Variants in PDIA5 observed in about 807,000 individuals in gnomAD.
PDIA5 encodes protein disulfide-isomerase A5.
PDIA5 carries 58 observed loss-of-function variants against 77.6 expected under a neutral mutation model. The ratio of observed to expected loss-of-function variants is 0.75; its 90% CI spans 0.61 to 0.93. The LOEUF (loss-of-function observed/expected upper bound fraction) is 0.93. PDIA5 is among the 40% of genes least tolerant of loss of function. PDIA5 has a pLI of 0.00. For synonymous variants in PDIA5, 250 were observed against 252.1 expected (o/e 0.99, Z 0.08); for missense variants, 630 against 647.7 (o/e 0.97, Z 0.30).
intron 8 of PDIA5, 37 bp from the exon 9 acceptor site, chr3:123,124,029 C>A: frequency 7.3e-7 from 1 of 1,372,472 alleles, no homozygotes; most frequent in Non-Finnish European, 1.0e-6. Context: ...GTCTGTGGGG[C>A]ACAGGCTCCA....
chr3:123,135,179 A>G (rs1935469778), intron 11 of PDIA5, among the ~76,000 whole-genome samples: 1 of 152,040 alleles, frequency 6.6e-6, no homozygotes, highest in African/African-American at 2.4e-5. Flanking sequence ...TCCTCTTGTC[A>G]CTGTTTTTTG....
At chr3:123,101,906 CTTTTTT>C (rs71623603) in intron 3 of PDIA5, among the ~76,000 whole-genome samples, 7 of 71,378 alleles carry the variant, frequency 9.8e-5, no homozygotes, top group East Asian at 4.8e-4. Flanking sequence ...TTCTTTCTTG[CTTTTTT>C]TTTTTTTTTT....
intron 11 of PDIA5, among the ~76,000 whole-genome samples, chr3:123,139,926 T>C (rs1935585692): frequency 6.6e-6 from 1 of 152,128 alleles, no homozygotes; most frequent in Admixed American, 6.6e-5. Context: ...GTTGAGGGGA[T>C]GGGCAGGGAA....
chr3:123,091,384 T>C (rs1042544666), intron 2 of PDIA5, among the ~76,000 whole-genome samples: 3 of 152,076 alleles, frequency 2.0e-5, no homozygotes, highest in African/African-American at 7.2e-5. Flanking sequence ...AGCAGATCGC[T>C]CTCCCCACAA....
intron 1 of PDIA5, among the ~76,000 whole-genome samples, chr3:123,068,132 T>C (rs1282028831): frequency 1.3e-5 from 2 of 152,114 alleles, no homozygotes; most frequent in Non-Finnish European, 2.9e-5. Flanking sequence ...TTTCCATAAC[T>C]TATGCGCTCC....
At chr3:123,111,745 C>T (rs1003565762) in intron 7 of PDIA5, among the ~76,000 whole-genome samples, 2 of 152,204 alleles carry the variant, frequency 1.3e-5, no homozygotes, top group Non-Finnish European at 2.9e-5. Context: ...TTTTATATTG[C>T]AACCAGTACT....
chr3:123,075,997 A>G (rs1933847839), intron 1 of PDIA5, among the ~76,000 whole-genome samples: 1 of 152,162 alleles, frequency 6.6e-6, no homozygotes, highest in Admixed American at 6.5e-5. Flanking sequence ...TGGCCTGAGC[A>G]TGTGCTTTTC....
intron 10 of PDIA5, among the ~76,000 whole-genome samples, chr3:123,128,413 C>T (rs1407361614): frequency 6.6e-6 from 1 of 151,854 alleles, no homozygotes; most frequent in Non-Finnish European, 1.5e-5. Context: ...CAAAATATAG[C>T]CTTCTCCATC....
At chr3:123,073,083 CGT>C (rs1933767281) in intron 1 of PDIA5, among the ~76,000 whole-genome samples, 1 of 152,190 alleles carries the variant, frequency 6.6e-6, no homozygotes, top group Non-Finnish European at 1.5e-5. Flanking sequence ...TCTGGCTCCC[CGT>C]GTGATCTGTT....
intron 5 of PDIA5, among the ~76,000 whole-genome samples, chr3:123,105,911 G>A (rs1386883979): frequency 2.0e-5 from 3 of 152,144 alleles, no homozygotes; most frequent in Admixed American, 6.5e-5. Flanking sequence ...TGCTGCTTCT[G>A]CCCTGGACCA....
intron 11 of PDIA5, among the ~76,000 whole-genome samples, chr3:123,133,560 G>A (rs1247542033): frequency 6.6e-6 from 1 of 152,232 alleles, no homozygotes; most frequent in Admixed American, 6.5e-5. Flanking sequence ...CTGTGATGGG[G>A]AGAATCAGAC....
chr3:123,145,482 C>T (rs1935744805), intron 11 of PDIA5, 40 bp from the exon 12 acceptor site: 2 of 1,554,724 alleles, frequency 1.3e-6, no homozygotes, highest in African/African-American at 2.7e-5. Flanking sequence ...CCGAGGGCCT[C>T]TGTGCCATAA....
rs777150393 is a variant in PDIA5, at chr3:123,067,159, G to T, written c.-6G>T. ...AAAGGAGCCAGCGGTGGGCAGCGCT[G>T]CTGGGATGGCGCGGGCCGGGCCGGC... is the stretch of plus-strand genomic sequence containing the variant. On this transcript the variant is annotated 5_prime_UTR_variant, in exon 1 of 17. Transcript: ENST00000316218. 13 of 1,246,526 alleles carry T rather than the reference G, an allele frequency of 1.0e-5. No individual in the cohort carries two copies. In the Admixed American group the frequency reaches 5.5e-4, roughly 53 times the overall value. The allele number at this position is 1,246,526 out of a possible 1,614,324, so 77.2% of individuals were successfully genotyped here.
At chr3:123,089,082 C>G (rs913512842) in intron 1 of PDIA5, 86 bp from the exon 2 acceptor site, 1 of 1,350,792 alleles carries the variant, frequency 7.4e-7, no homozygotes, top group Non-Finnish European at 1.0e-6. Context: ...AGTAAAGCAG[C>G]TCTAGGCAGC....
At position 123,145,543 on chromosome 3, in the gene PDIA5, T is replaced by C. The variant is rs562528578; in HGVS notation, c.932T>C (p.Met311Thr). 1.5e-5 allele frequency: 24 copies of C among 1,614,046 alleles called. No individual in the cohort carries two copies. In the East Asian group the frequency reaches 5.1e-4, roughly 34 times the overall value. The change falls in exon 12 of 17, where the codon ATG becomes ACG. Residue 311 changes from methionine to threonine, a missense_variant. Physicochemically the swap from Met to Thr is moderately conservative, Grantham distance 81. Transcript: ENST00000316218. ...HAPWCGHCKK[M>T]KPEFEKAAEA... ...ACAGGGTGTGGCCACTGTAAGAAAA[T>C]GAAGCCGGAGTTTGAGAAGGCAGCA... is the stretch of plus-strand genomic sequence containing the variant.
At chr3:123,148,334 G>C (rs958805587) in intron 13 of PDIA5, among the ~76,000 whole-genome samples, 1 of 152,150 alleles carries the variant, frequency 6.6e-6, no homozygotes, top group Admixed American at 6.5e-5. Context: ...TTGGGAAGTA[G>C]AGGCAGGAGG....
At chr3:123,145,256 G>A (rs568040977) in intron 11 of PDIA5, 183 of 421,204 alleles carry the variant, frequency 4.3e-4, no homozygotes, top group African/African-American at 3.4e-3. Flanking sequence ...TAGTTATGAG[G>A]CTGTAAGGCA....
intron 4 of PDIA5, 79 bp downstream of exon 4, chr3:123,102,573 T>G (rs1190861647): frequency 2.6e-6 from 3 of 1,168,296 alleles, no homozygotes; most frequent in Non-Finnish European, 2.5e-6. Context: ...CAGCAATTTT[T>G]AGTTAGATTA....
intron 11 of PDIA5, among the ~76,000 whole-genome samples, chr3:123,142,623 A>G (rs931810027): frequency 6.6e-6 from 1 of 152,198 alleles, no homozygotes; most frequent in African/African-American, 2.4e-5. Flanking sequence ...GATCTCCACA[A>G]TGTCTGACTG....
Sources: allele counts gnomAD v4.1 joint callset (sites outside exome capture counted in the v4.1 genomes callset), GRCh38; gene constraint gnomAD v4.1.1; transcripts MANE v1.5; gene names NCBI Gene and HGNC (gene_info 2026-07-23, HGNC 2026-07-21).